The following LTBP1 variants were observed in gnomAD, a reference collection of about 807,000 sequenced individuals.
LTBP1 encodes latent-transforming growth factor beta-binding protein 1.
LTBP1 carries 129 observed loss-of-function variants against 207.6 expected under a neutral mutation model. The ratio of observed to expected loss-of-function variants is 0.62; its 90% CI spans 0.54 to 0.72. The LOEUF (loss-of-function observed/expected upper bound fraction) is 0.72. Among genes scored for constraint, LTBP1 ranks in the 30% least tolerant of loss-of-function variants. The probability of loss-of-function intolerance (pLI) is 0.00; values close to 1 mark genes in which losing one functional copy is unlikely to be tolerated. For missense variants in LTBP1, 2,281 were observed against 2,217.2 expected, an observed-to-expected ratio of 1.03 and a Z score of -0.58; for synonymous variants, 963 against 833.7, an observed-to-expected ratio of 1.16 and a Z score of -2.67.
At chr2:32,995,419 T>G (rs1195763004) in intron 2 of LTBP1, among the ~76,000 whole-genome samples, 1 of 152,146 alleles carries the variant, frequency 6.6e-6, no homozygotes, top group African/African-American at 2.4e-5. Flanking sequence ...CTTTTCTGTC[T>G]TGGTTGAAGG....
chr2:33,375,038 C>T (rs1404263729), intron 31 of LTBP1, among the ~76,000 whole-genome samples: 1 of 152,208 alleles, frequency 6.6e-6, no homozygotes, highest in African/African-American at 2.4e-5. Context: ...ACTTTTACTA[C>T]TCTCAAAAGA....
At position 33,366,343 on chromosome 2, in the gene LTBP1, G is replaced by T. The variant is rs80127033; in HGVS notation, c.4711+840G>T. 2.2e-3 allele frequency among the ~76,000 whole-genome samples: 337 copies of T among 152,294 alleles called. 3 individuals are homozygous for T. Among genetic ancestry groups the T allele is most frequent in the African/African-American group, 7.8e-3 (326 of 41,566 alleles). On this transcript the variant is annotated intron_variant, in intron 31 of 33. Coordinates refer to ENST00000404816, the MANE Select transcript of LTBP1 (RefSeq NM_206943.4). ...TTATTATGAATATATTCTCAGAATG[G>T]TCGAGAGGGGAAAAATTGCTTGAAA... is the stretch of plus-strand genomic sequence containing the variant.
intron 18 of LTBP1, among the ~76,000 whole-genome samples, chr2:33,277,800 TC>T (rs2093470768): frequency 9.4e-6 from 1 of 106,356 alleles, no homozygotes; most frequent in African/African-American, 4.2e-5. Flanking sequence ...TTTCTTTCTC[TC>T]TCTCTTTCTT....
chr2:33,246,693 A>G (rs1486709801), intron 10 of LTBP1, among the ~76,000 whole-genome samples: 1 of 152,158 alleles, frequency 6.6e-6, no homozygotes, highest in East Asian at 1.9e-4. Context: ...ATGGCCAAGG[A>G]ACAACGGGAA....
intron 5 of LTBP1, among the ~76,000 whole-genome samples, chr2:33,158,811 CT>C (rs2084217430): frequency 6.6e-6 from 1 of 152,226 alleles, no homozygotes; most frequent in South Asian, 2.1e-4. Flanking sequence ...CCCTTTTCCC[CT>C]AACCCCGATC....
chr2:33,336,307 A>G (rs1004808780), intron 24 of LTBP1, among the ~76,000 whole-genome samples: 3 of 152,148 alleles, frequency 2.0e-5, no homozygotes, highest in African/African-American at 4.8e-5. Context: ...TTTTTTAACT[A>G]TCATCATGGT....
intron 24 of LTBP1, among the ~76,000 whole-genome samples, chr2:33,321,098 G>A (rs1361960293): frequency 6.6e-6 from 1 of 152,078 alleles, no homozygotes; most frequent in Non-Finnish European, 1.5e-5. Flanking sequence ...GACTGAGTAT[G>A]GGATCAGCAG....
chr2:33,251,237 C>A (rs916184928), intron 10 of LTBP1, among the ~76,000 whole-genome samples: 6 of 152,198 alleles, frequency 3.9e-5, no homozygotes, highest in African/African-American at 1.4e-4. Context: ...AGAGACACCA[C>A]TGATGCTATT....
At chr2:33,385,145 C>G (rs2095255047) in intron 31 of LTBP1, among the ~76,000 whole-genome samples, 1 of 152,158 alleles carries the variant, frequency 6.6e-6, no homozygotes, top group South Asian at 2.1e-4. Flanking sequence ...CACTGCACAA[C>G]CAAGTAATGA....
intron 24 of LTBP1, among the ~76,000 whole-genome samples, chr2:33,342,352 G>C (rs2094638275): frequency 6.6e-6 from 1 of 152,204 alleles, no homozygotes; most frequent in African/African-American, 2.4e-5. Flanking sequence ...ACTCTCTCTT[G>C]ACTTCCTGAG....
At chr2:33,199,694 G>C (rs1405158853) in intron 7 of LTBP1, among the ~76,000 whole-genome samples, 1 of 152,022 alleles carries the variant, frequency 6.6e-6, no homozygotes, top group Non-Finnish European at 1.5e-5. Flanking sequence ...TGTCCCTGTT[G>C]GCAGATGACA....
At chr2:33,383,093 C>T (rs1163173061) in intron 31 of LTBP1, among the ~76,000 whole-genome samples, 1 of 152,232 alleles carries the variant, frequency 6.6e-6, no homozygotes, top group African/African-American at 2.4e-5. Flanking sequence ...CAGTGGCTCA[C>T]GCCTGTAATC....
intron 9 of LTBP1, among the ~76,000 whole-genome samples, chr2:33,228,746 C>CTGGA (rs2149517781): frequency 8.6e-6 from 1 of 115,968 alleles, no homozygotes; most frequent in Admixed American, 1.1e-4. Context: ...TGTCGCCAGG[C>CTGGA]TGGAGTGCAG....
chr2:33,121,534 A>G (rs1215676115), intron 4 of LTBP1, among the ~76,000 whole-genome samples: 1 of 152,006 alleles, frequency 6.6e-6, no homozygotes, highest in Admixed American at 6.6e-5. Context: ...TTGTTTAACC[A>G]ACACCCCTTA....
chr2:33,199,201 G>A (rs1423598271), intron 7 of LTBP1, among the ~76,000 whole-genome samples: 1 of 152,106 alleles, frequency 6.6e-6, no homozygotes, highest in Non-Finnish European at 1.5e-5. Context: ...CCATGTAGTT[G>A]AACGGTTTTG....
At chr2:33,250,768 T>C (rs1452064328) in intron 10 of LTBP1, among the ~76,000 whole-genome samples, 1 of 152,064 alleles carries the variant, frequency 6.6e-6, no homozygotes, top group African/African-American at 2.4e-5. Flanking sequence ...ACCACCACCA[T>C]TGGCACCTGA....
chr2:33,190,138 T>G (rs1396730348), intron 7 of LTBP1, among the ~76,000 whole-genome samples: 1 of 152,328 alleles, frequency 6.6e-6, no homozygotes, highest in African/African-American at 2.4e-5. Context: ...CAAAATTTTC[T>G]TTAAAACTCA....
chr2:33,040,139 A>G (rs1283691498), intron 3 of LTBP1, among the ~76,000 whole-genome samples: 2 of 152,148 alleles, frequency 1.3e-5, no homozygotes, highest in African/African-American at 4.8e-5. Flanking sequence ...TTGAAGGGTA[A>G]GCAGTGGTTT....
chr2:33,250,342 A>G (rs1314360241), intron 10 of LTBP1, among the ~76,000 whole-genome samples: 1 of 152,230 alleles, frequency 6.6e-6, no homozygotes, highest in Non-Finnish European at 1.5e-5. Flanking sequence ...AGAGGCTTTA[A>G]GATGGTTGAC....
Sources: gnomAD v4.1 joint callset for allele counts (sites outside exome capture counted in the v4.1 genomes callset) on GRCh38, gnomAD v4.1.1 for gene constraint, MANE v1.5 for transcripts, NCBI Gene and HGNC (gene_info 2026-07-23, HGNC 2026-07-21) for gene names.